The following SPNS3 variants were observed in gnomAD, a reference collection of about 807,000 sequenced individuals.
SPNS3 encodes the protein protein spinster homolog 3.
In SPNS3, 51 loss-of-function variants were observed where a neutral mutation model predicts 54.4. The ratio of observed to expected loss-of-function variants is 0.94; its 90% CI spans 0.75 to 1.18. The LOEUF (loss-of-function observed/expected upper bound fraction) is 1.18. SPNS3 is among the 50% of genes most tolerant of loss of function. The pLI, the probability that SPNS3 is intolerant of heterozygous loss-of-function variation, is 0.00. For missense variants in SPNS3, 669 were observed against 677.4 expected, an observed-to-expected ratio of 0.99 and a Z score of 0.14; for synonymous variants, 309 against 294.7, an observed-to-expected ratio of 1.05 and a Z score of -0.50.
chr17:4,443,126 A>C lies in SPNS3; in HGVS notation c.266-1906A>C, dbSNP rs180766102. Among the ~76,000 whole-genome samples the C allele has an allele frequency of 4.1e-3, 618 of 151,950 alleles. 1 individual carries two copies. Among genetic ancestry groups the C allele is most frequent in the Middle Eastern group, 0.01 (3 of 294 alleles). On this transcript the variant is annotated intron_variant, in intron 2 of 11. Coordinates refer to ENST00000355530, the MANE Select transcript of SPNS3 (RefSeq NM_182538.5). ...CGCTCTGTCACACAGGCTGGAGTGC[A>C]GTGGTGCGATCTCAGCTCACTGCAA...
intron 9 of SPNS3, chr17:4,484,942 G>A (rs1368651570): frequency 1.3e-5 from 2 of 152,184 alleles, no homozygotes; most frequent in African/African-American, 4.8e-5. Context: ...AGGGAATAAG[G>A]GGTGGTGGAC....
chr17:4,459,748 T>C (rs1280254961), intron 8 of SPNS3, among the ~76,000 whole-genome samples: 1 of 151,590 alleles, frequency 6.6e-6, no homozygotes, highest in Non-Finnish European at 1.5e-5. Flanking sequence ...GCCGTAGATA[T>C]AGCAGTGAAT....
chr17:4,458,643 T>C (rs555553471), intron 8 of SPNS3, among the ~76,000 whole-genome samples: 81 of 144,784 alleles, frequency 5.6e-4, no homozygotes, highest in African/African-American at 2.0e-3. Context: ...CTTTCTTTCT[T>C]TCTTTCCTTC....
intron 1 of SPNS3, 151 bp downstream of exon 1, chr17:4,434,317 T>A: frequency 1.4e-6 from 1 of 708,376 alleles, no homozygotes; most frequent in Non-Finnish European, 2.2e-6. Flanking sequence ...TTTTCAGCTG[T>A]GCTCGAATCG....
In SPNS3 at chr17:4,434,062, T is replaced by G. The variant is rs577642305; in HGVS notation, c.95T>G (p.Ile32Ser). 1.6e-5 allele frequency: 26 copies of G among 1,610,994 alleles called. 1 individual carries two copies. In the South Asian group the frequency reaches 2.8e-4, roughly 17 times the overall value. ...CCAGGCAGGCAGTGTCCCCCTCCCA[T>G]CACGCCCACCTCCTGGAGCCTGCCC... ...PGPGRQCPPP[I>S]TPTSWSLPPW... is the part of the protein sequence containing the mutation. The change falls in exon 1 of 12, where the codon ATC (isoleucine) becomes AGC (serine). Residue 32 changes from isoleucine to serine, a missense_variant. Transcript: ENST00000355530.
chr17:4,443,319 C>G (rs1404088196), intron 2 of SPNS3, among the ~76,000 whole-genome samples: 1 of 152,156 alleles, frequency 6.6e-6, no homozygotes, highest in Non-Finnish European at 1.5e-5. Context: ...GATCCACCGG[C>G]CTTGGCTTCC....
intron 2 of SPNS3, among the ~76,000 whole-genome samples, chr17:4,442,697 A>C (rs1282554039): frequency 6.6e-6 from 1 of 152,178 alleles, no homozygotes; most frequent in East Asian, 1.9e-4. Flanking sequence ...GCACGATTCT[A>C]AGTGCTTTAA....
Position 4,433,978 on chromosome 17 carries a change from G to C in SPNS3, c.11G>C (p.Gly4Ala). 6.5e-7 allele frequency: 1 copy of C among 1,540,552 alleles called. No individual in the cohort carries two copies. The highest frequency in any genetic ancestry group is 2.0e-5 in the Admixed American group (1 of 50,034). The change falls in exon 1 of 12, where the codon GGG (glycine) becomes GCG (alanine). Residue 4 changes from glycine (G) to alanine (A), a missense_variant. Transcript: ENST00000355530. The stretch of plus-strand genomic sequence containing the variant: ...GAGCTGCAGGCTGGCATGGCTGGGG[G>C]GATGTCAGCGGAGTGCCCTGAGCCT... MAG[G>A]MSAECPEPGP...
chr17:4,436,897 C>T (rs1215048744), intron 1 of SPNS3, among the ~76,000 whole-genome samples: 1 of 152,202 alleles, frequency 6.6e-6, no homozygotes, highest in African/African-American at 2.4e-5. Context: ...TGGATGGGAG[C>T]CAGGAATCAC....
Position 4,434,019 on chromosome 17 carries a change from C to A in SPNS3, c.52C>A (p.Gln18Lys), listed in dbSNP as rs373263824. Residue 18 changes from glutamine to lysine, a missense_variant, in exon 1 of 12, where the codon CAG becomes AAG. Coordinates refer to ENST00000355530, the MANE Select transcript of SPNS3 (RefSeq NM_182538.5). Reference protein sequence around the residue: ...ECPEPGPGGLQGQSPGPGRQC... With the variant: ...ECPEPGPGGLKGQSPGPGRQC... Reference sequence around the variant, plus strand: ...CCCTGAGCCTGGGCCAGGAGGTCTGCAGGGCCAGTCCCCAGGGCCAGGCAG... The same window carrying A: ...CCCTGAGCCTGGGCCAGGAGGTCTGAAGGGCCAGTCCCCAGGGCCAGGCAG... The A allele has an allele frequency of 6.2e-7, 1 of 1,601,538 alleles. No individual in the cohort carries two copies. The highest frequency in any genetic ancestry group is 8.5e-7 in the Non-Finnish European group (1 of 1,173,696).
rs770326520 is a variant in SPNS3 at position 4,449,280 on chromosome 17, T to C, written c.816T>C (p.Phe272=). The C allele has an allele frequency of 6.2e-7, 1 of 1,612,688 alleles. No individual in the cohort carries two copies. The highest frequency in any genetic ancestry group is 1.1e-5 in the South Asian group (1 of 91,060). The change falls in exon 7 of 12, where the codon TTT becomes TTC. Residue 272 remains phenylalanine (F), a synonymous_variant. Transcript: ENST00000355530. ...WSTLGVTAMA[F]VTGALGFWAP... ...CCCTCGGAGTGACCGCCATGGCCTT[T>C]GTGACTGGAGCCCTGGGGTTCTGGG...
chr17:4,469,574 G>A (rs531650016), intron 8 of SPNS3, among the ~76,000 whole-genome samples: 3 of 146,726 alleles, frequency 2.0e-5, no homozygotes, highest in East Asian at 4.0e-4. Context: ...AGCCAGGATC[G>A]CGCCACTGCA....
At chr17:4,482,892 G>T in intron 9 of SPNS3, among the ~76,000 whole-genome samples, 1 of 152,310 alleles carries the variant, frequency 6.6e-6, no homozygotes. Flanking sequence ...CCAGGGGCAC[G>T]ATCTCTGGAT....
intron 1 of SPNS3, among the ~76,000 whole-genome samples, chr17:4,436,245 C>T (rs1479384328): frequency 1.3e-5 from 2 of 152,102 alleles, no homozygotes; most frequent in East Asian, 1.9e-4. Context: ...ACCTGGGCAT[C>T]GATCTGTCAG....
chr17:4,478,559 C>T lies in SPNS3; in HGVS notation c.1114-13C>T, dbSNP rs753900406. ...ATCTGGGAATCCTCACCCAGGCCAC[C>T]CTCTGTCCACAGGTGTTCCTGGGCC... On this transcript the variant is annotated splice_polypyrimidine_tract_variant and intron_variant, in intron 8 of 11. Coordinates refer to ENST00000355530, the MANE Select transcript of SPNS3 (RefSeq NM_182538.5). 6.4e-7 allele frequency: 1 copy of T among 1,564,018 alleles called. No individual in the cohort carries two copies. The highest frequency in any genetic ancestry group is 8.7e-7 in the Non-Finnish European group (1 of 1,153,166).
At chr17:4,458,019 C>T (rs930681897) in intron 8 of SPNS3, among the ~76,000 whole-genome samples, 2 of 152,032 alleles carry the variant, frequency 1.3e-5, no homozygotes, top group African/African-American at 4.8e-5. Flanking sequence ...CCGCCCCCAC[C>T]CCTTGGCTCT....
chr17:4,485,272 T>C (rs1358830654), intron 9 of SPNS3: 2 of 152,200 alleles, frequency 1.3e-5, no homozygotes, highest in African/African-American at 2.4e-5. Context: ...GTACCATTAT[T>C]ACCCCCACTT....
intron 8 of SPNS3, among the ~76,000 whole-genome samples, chr17:4,469,575 C>T (rs1435948212): frequency 6.8e-6 from 1 of 147,696 alleles, no homozygotes; most frequent in African/African-American, 2.5e-5. Context: ...GCCAGGATCG[C>T]GCCACTGCAC....
At chr17:4,475,041 G>A (rs541231062) in intron 8 of SPNS3, among the ~76,000 whole-genome samples, 178 of 152,196 alleles carry the variant, frequency 1.2e-3, no homozygotes, top group African/African-American at 4.0e-3. Flanking sequence ...ATGTTGGCGC[G>A]GCCGCATGTG....
Sources: gnomAD v4.1 joint callset for allele counts (sites outside exome capture counted in the v4.1 genomes callset) on GRCh38, gnomAD v4.1.1 for gene constraint, MANE v1.5 for transcripts, NCBI Gene and HGNC (gene_info 2026-07-23, HGNC 2026-07-21) for gene names.